CACNA1E: variants seen among roughly 807,000 people sequenced by gnomAD.
The protein encoded by CACNA1E is calcium voltage-gated channel subunit alpha1 E.
A neutral mutation model predicts 259.2 loss-of-function variants in CACNA1E; 40 were observed. The observed-to-expected ratio is 0.15, with a 90% confidence interval of 0.12 to 0.20. CACNA1E has a LOEUF of 0.20. Ranked by LOEUF, CACNA1E falls within the 10% of genes least tolerant of loss-of-function variation. The pLI is 1.00. For synonymous variants in CACNA1E, 1,104 were observed against 1,138.5 expected (o/e 0.97, Z 0.61); for missense variants, 1,874 against 3,040.1 (o/e 0.62, Z 9.02).
intron 7 of CACNA1E, among the ~76,000 whole-genome samples, chr1:181,677,938 G>A (rs1039674903): frequency 3.9e-5 from 6 of 152,206 alleles, no homozygotes; most frequent in African/African-American, 1.4e-4. Flanking sequence ...CATTGGTTTA[G>A]TTAGGTCTGG....
intron 6 of CACNA1E, among the ~76,000 whole-genome samples, chr1:181,629,710 A>G (rs1441423995): frequency 6.6e-6 from 1 of 152,206 alleles, no homozygotes; most frequent in African/African-American, 2.4e-5. Flanking sequence ...ATATAGAAAT[A>G]TGGACAAAGG....
At chr1:181,611,215 A>G (rs1350378841) in intron 6 of CACNA1E, among the ~76,000 whole-genome samples, 2 of 152,028 alleles carry the variant, frequency 1.3e-5, no homozygotes, top group East Asian at 3.9e-4. Context: ...CCCCATCACC[A>G]CCATCAACAC....
At chr1:181,528,474 G>C (rs901600422) in intron 3 of CACNA1E, among the ~76,000 whole-genome samples, 3 of 152,226 alleles carry the variant, frequency 2.0e-5, no homozygotes, top group Non-Finnish European at 4.4e-5. Context: ...TGAAAATGTG[G>C]AAGTGACTTT....
chr1:181,602,392 G>A (rs985348467), intron 6 of CACNA1E, among the ~76,000 whole-genome samples: 1 of 152,122 alleles, frequency 6.6e-6, no homozygotes, highest in African/African-American at 2.4e-5. Flanking sequence ...TATTATATTG[G>A]TTGAGCATCC....
chr1:181,660,314 C>T (rs1647522689), intron 7 of CACNA1E, among the ~76,000 whole-genome samples: 1 of 152,174 alleles, frequency 6.6e-6, no homozygotes, highest in East Asian at 1.9e-4. Flanking sequence ...CAAAAGATAC[C>T]TGGCTAGACA....
intron 2 of CACNA1E, among the ~76,000 whole-genome samples, chr1:181,461,663 G>C (rs1661825904): frequency 6.6e-6 from 1 of 151,244 alleles, no homozygotes; most frequent in African/African-American, 2.4e-5. Context: ...CCTTGATGCT[G>C]TCTTCTTCAC....
At chr1:181,706,377 T>A (rs1413191261) in intron 7 of CACNA1E, among the ~76,000 whole-genome samples, 1 of 152,212 alleles carries the variant, frequency 6.6e-6, no homozygotes, top group Non-Finnish European at 1.5e-5. Context: ...ATGCTTTGTT[T>A]CGCAGGTCTG....
intron 27 of CACNA1E, among the ~76,000 whole-genome samples, chr1:181,754,033 C>T (rs917559722): frequency 1.3e-5 from 2 of 152,230 alleles, no homozygotes; most frequent in Non-Finnish European, 2.9e-5. Flanking sequence ...TTTCTTACCA[C>T]CTTCCTGCCC....
chr1:181,687,822 T>G (rs951936826), intron 7 of CACNA1E, among the ~76,000 whole-genome samples: 17 of 152,162 alleles, frequency 1.1e-4, no homozygotes, highest in Non-Finnish European at 4.4e-5. Context: ...TTATTTCAAT[T>G]AATAAACAAA....
chr1:181,417,193 C>T (rs180917709), intron 2 of CACNA1E, among the ~76,000 whole-genome samples: 207 of 152,248 alleles, frequency 1.4e-3, no homozygotes, highest in African/African-American at 4.9e-3. Context: ...TACCTTTTCA[C>T]TATCCCCTTC....
intron 32 of CACNA1E, among the ~76,000 whole-genome samples, chr1:181,759,482 G>C (rs919161433): frequency 6.6e-6 from 1 of 151,652 alleles, no homozygotes; most frequent in Non-Finnish European, 1.5e-5. Context: ...TGGGGATGAT[G>C]AATTTTTCTG....
chr1:181,359,285 C>G (rs1250737078), intron 1 of CACNA1E, among the ~76,000 whole-genome samples: 1 of 152,050 alleles, frequency 6.6e-6, no homozygotes, highest in African/African-American at 2.4e-5. Context: ...GTACAGCATG[C>G]TAAGGGAACA....
chr1:181,566,811 T>A (rs1245960089), intron 3 of CACNA1E, among the ~76,000 whole-genome samples: 2 of 152,184 alleles, frequency 1.3e-5, no homozygotes, highest in Non-Finnish European at 2.9e-5. Flanking sequence ...ATCTGAGAGG[T>A]TCACCTATAG....
intron 1 of CACNA1E, among the ~76,000 whole-genome samples, chr1:181,331,499 C>T (rs34897048): frequency 0.1 from 15,817 of 152,142 alleles, 1,112 homozygotes; most frequent in Middle Eastern, 0.18. Context: ...AGGAGAGGGT[C>T]TTTCCTCTGT....
chr1:181,488,896 GT>G (rs1558046834), intron 1 of CACNA1E, among the ~76,000 whole-genome samples: 2 of 152,106 alleles, frequency 1.3e-5, no homozygotes, highest in Admixed American at 6.5e-5. Context: ...AAATGTAGGT[GT>G]TTTTCCCCCT....
chr1:181,790,694 T>G, intron 44 of CACNA1E, 138 bp downstream of exon 44: 1 of 648,050 alleles, frequency 1.5e-6, no homozygotes, highest in East Asian at 2.8e-5. Flanking sequence ...GTGTCCTGCC[T>G]TAGCCCTTTT....
chr1:181,346,390 G>A (rs368884688), intron 1 of CACNA1E, among the ~76,000 whole-genome samples: 13 of 152,338 alleles, frequency 8.5e-5, no homozygotes, highest in African/African-American at 1.2e-4. Flanking sequence ...CCATGAGAAT[G>A]CAGGCTACAG....
At chr1:181,408,900 C>T (rs16857248) in intron 1 of CACNA1E, among the ~76,000 whole-genome samples, 4 of 152,050 alleles carry the variant, frequency 2.6e-5, no homozygotes. Context: ...TGAGTGTGAG[C>T]TATAGGACAG....
intron 7 of CACNA1E, among the ~76,000 whole-genome samples, chr1:181,694,266 C>T (rs1651487493): frequency 6.6e-6 from 1 of 152,128 alleles, no homozygotes; most frequent in South Asian, 2.1e-4. Flanking sequence ...CATACAGCAC[C>T]TTAATATGTG....
Sources: gnomAD v4.1 joint callset for allele counts (sites outside exome capture counted in the v4.1 genomes callset) on GRCh38, gnomAD v4.1.1 for gene constraint, MANE v1.5 for transcripts, NCBI Gene and HGNC (gene_info 2026-07-23, HGNC 2026-07-21) for gene names.